VSTM4: variants seen among roughly 807,000 people sequenced by gnomAD.
VSTM4 encodes the protein V-set and transmembrane domain containing 4, also known as V-set and transmembrane domain-containing protein 4.
VSTM4 carries 20 observed loss-of-function variants against 36.4 expected under a neutral mutation model. The ratio of observed to expected loss-of-function variants is 0.55; its 90% CI spans 0.39 to 0.80. The LOEUF (loss-of-function observed/expected upper bound fraction) is 0.80, where lower values mean the gene tolerates loss of function less well. Ranked by LOEUF, VSTM4 falls within the 30% of genes least tolerant of loss-of-function variation. The probability of loss-of-function intolerance (pLI) is 0.00; values close to 1 mark genes in which losing one functional copy is unlikely to be tolerated. For missense variants in VSTM4, 392 were observed against 404.5 expected, an observed-to-expected ratio of 0.97 and a Z score of 0.26; for synonymous variants, 182 against 173.9, an observed-to-expected ratio of 1.05 and a Z score of -0.37.
chr10:49,035,064 AG>A (rs1364556981), intron 7 of VSTM4, among the ~76,000 whole-genome samples: 1 of 152,208 alleles, frequency 6.6e-6, no homozygotes, highest in African/African-American at 2.4e-5. Context: ...ACGTGGGGAC[AG>A]CGTGCCCCAG....
intron 5 of VSTM4, among the ~76,000 whole-genome samples, chr10:49,057,648 C>T (rs950602044): frequency 3.9e-5 from 6 of 152,188 alleles, no homozygotes; most frequent in African/African-American, 1.2e-4. Flanking sequence ...AAGAAGGACA[C>T]TGGGCCTGAG....
intron 2 of VSTM4, among the ~76,000 whole-genome samples, chr10:49,105,260 C>A (rs7069758): frequency 0.37 from 38,099 of 102,752 alleles, 6,269 homozygotes; most frequent in African/African-American, 0.55. Context: ...AGATAGAAAG[C>A]CAGAAACAGA....
intron 7 of VSTM4, among the ~76,000 whole-genome samples, chr10:49,025,153 G>A (rs1299352312): frequency 2.0e-5 from 3 of 152,034 alleles, no homozygotes; most frequent in South Asian, 2.1e-4. Flanking sequence ...TCAGACTTCC[G>A]GCCTCCACAA....
intron 2 of VSTM4, chr10:49,103,938 C>T: frequency 8.5e-7 from 1 of 1,181,058 alleles, no homozygotes; most frequent in Non-Finnish European, 1.2e-6. Flanking sequence ...ACTCAAACCC[C>T]CAAGAGCTCC....
intron 7 of VSTM4, among the ~76,000 whole-genome samples, chr10:49,029,159 T>A (rs1843308066): frequency 6.6e-6 from 1 of 152,212 alleles, no homozygotes; most frequent in African/African-American, 2.4e-5. Flanking sequence ...GAGAGTAAAG[T>A]ATGCTGTGAA....
chr10:49,048,435 T>C, intron 6 of VSTM4, 43 bp downstream of exon 6: 2 of 1,532,216 alleles, frequency 1.3e-6, no homozygotes, highest in Non-Finnish European at 1.8e-6. Context: ...CAGGGATCAA[T>C]AATGATAGTT....
At chr10:49,050,095 G>A (rs551354909) in intron 5 of VSTM4, among the ~76,000 whole-genome samples, 155 of 152,302 alleles carry the variant, frequency 1.0e-3, no homozygotes, top group African/African-American at 3.4e-3. Context: ...GTGAATCCGT[G>A]CATAGGGTCA....
intron 5 of VSTM4, 117 bp downstream of exon 5, chr10:49,064,575 AGGCATATTTGT>A: frequency 9.5e-7 from 1 of 1,056,406 alleles, no homozygotes; most frequent in Admixed American, 2.2e-5. Flanking sequence ...ACACATTTGC[AGGCATATTTGT>A]GGACAAATAT....
At chr10:49,044,747 G>T (rs1357564770) in intron 7 of VSTM4, among the ~76,000 whole-genome samples, 1 of 148,794 alleles carries the variant, frequency 6.7e-6, no homozygotes, top group African/African-American at 2.4e-5. Context: ...CTTCATGTTG[G>T]TGCTTTATGT....
At position 49,107,727 on chromosome 10, in the gene VSTM4, C is replaced by T. The variant is rs200781814; in HGVS notation, c.324G>A (p.Ala108=). 2.3e-4 allele frequency: 367 copies of T among 1,614,192 alleles called. 1 individual carries two copies. The East Asian group carries it at 5.1e-3, about 22-fold the overall frequency. Residue 108 remains alanine, a synonymous_variant, in exon 2 of 8, where the codon GCG becomes GCA. Transcript: ENST00000332853. ...RLRLLEEQRG[A]LYRLSVLTLQ... is the part of the protein sequence containing the mutation. ...GTGTCAAGACGGAGAGCCTGTAGAG[C>T]GCCCCCCGCTGCTCCTCCAGCAGGC...
chr10:49,022,444 C>T (rs1012279424), intron 7 of VSTM4, among the ~76,000 whole-genome samples: 4 of 152,136 alleles, frequency 2.6e-5, no homozygotes, highest in African/African-American at 7.2e-5. Context: ...CCCAAAAAGG[C>T]ACGGGAAGTA....
chr10:49,027,590 C>T (rs2254740), intron 7 of VSTM4, among the ~76,000 whole-genome samples: 71,779 of 152,136 alleles, frequency 0.47, 19,087 homozygotes, highest in East Asian at 0.68. Flanking sequence ...CATGCCACCC[C>T]TCTGCAGTCC....
intron 2 of VSTM4, among the ~76,000 whole-genome samples, chr10:49,104,898 GAC>G (rs2132023103): frequency 6.9e-6 from 1 of 144,286 alleles, no homozygotes; most frequent in East Asian, 2.0e-4. Context: ...GAGAGAGAGA[GAC>G]ACAGAGAGAG....
At chr10:49,105,382 CAGAAAG>C (rs1564597465) in intron 2 of VSTM4, among the ~76,000 whole-genome samples, 1 of 144,056 alleles carries the variant, frequency 6.9e-6, no homozygotes, top group African/African-American at 2.6e-5. Context: ...GAGAGAGAGA[CAGAAAG>C]AGAGAGAAAG....
At chr10:49,044,976 A>G (rs2131956482) in intron 7 of VSTM4, among the ~76,000 whole-genome samples, 1 of 152,352 alleles carries the variant, frequency 6.6e-6, no homozygotes, top group East Asian at 1.9e-4. Context: ...CTGCACTGCA[A>G]TGTCACTGTT....
At chr10:49,086,590 T>G (rs1347251008) in intron 2 of VSTM4, among the ~76,000 whole-genome samples, 1 of 152,230 alleles carries the variant, frequency 6.6e-6, no homozygotes, top group Non-Finnish European at 1.5e-5. Flanking sequence ...AGTTACACTG[T>G]GTGAAACTTT....
chr10:49,073,988 G>A (rs1233702730), intron 4 of VSTM4, among the ~76,000 whole-genome samples: 1 of 152,204 alleles, frequency 6.6e-6, no homozygotes, highest in African/African-American at 2.4e-5. Context: ...TGGGATGTTA[G>A]GAATCCCATC....
rs1300710965 is a variant in VSTM4 at position 49,019,691 on chromosome 10, T to A, written c.922A>T (p.Thr308Ser). 6.2e-7 allele frequency: 1 copy of A among 1,614,016 alleles called. No homozygotes were observed. The change falls in exon 8 of 8, where the codon ACT becomes TCT. Residue 308 changes from threonine to serine, a missense_variant. Coordinates refer to ENST00000332853, the MANE Select transcript of VSTM4 (RefSeq NM_001031746.5). Reference sequence around the variant, plus strand: ...TCGAAGAGGATCTGGGCGTAGACAGTGCTGGTGGGGGCGCCTTTGGCAGCC... The same window carrying A: ...TCGAAGAGGATCTGGGCGTAGACAGAGCTGGTGGGGGCGCCTTTGGCAGCC... Reference protein sequence around the residue: ...HRAAKGAPTSTVYAQILFEEN... With the variant: ...HRAAKGAPTSSVYAQILFEEN...
intron 1 of VSTM4, 56 bp from the exon 2 acceptor site, chr10:49,108,051 G>A: frequency 6.7e-7 from 1 of 1,500,804 alleles, no homozygotes; most frequent in Non-Finnish European, 8.9e-7. Flanking sequence ...CCCCCTGTGG[G>A]CAGTCCACAG....
Sources: allele counts gnomAD v4.1 joint callset (sites outside exome capture counted in the v4.1 genomes callset), GRCh38; gene constraint gnomAD v4.1.1; transcripts MANE v1.5; gene names NCBI Gene and HGNC (gene_info 2026-07-23, HGNC 2026-07-21).